The following TMEM41B variants were observed in gnomAD, a reference collection of about 807,000 sequenced individuals.
TMEM41B encodes the protein transmembrane protein 41B.
TMEM41B carries 18 observed loss-of-function variants against 31.9 expected under a neutral mutation model. The observed-to-expected ratio is 0.56, with a 90% confidence interval of 0.39 to 0.84. The LOEUF is 0.84. Among genes scored for constraint, TMEM41B ranks in the 40% least tolerant of loss-of-function variants. TMEM41B has a pLI of 0.00. For missense variants in TMEM41B, 322 were observed against 348.0 expected (o/e 0.93, Z 0.59); for synonymous variants, 144 against 124.3 (o/e 1.16, Z -1.05).
At chr11:9,291,163 G>A (rs757160414) in intron 3 of TMEM41B, among the ~76,000 whole-genome samples, 10 of 151,978 alleles carry the variant, frequency 6.6e-5, no homozygotes, top group Non-Finnish European at 1.5e-4. Flanking sequence ...GCTCATACCT[G>A]TAAATCCCAA....
intron 1 of TMEM41B, among the ~76,000 whole-genome samples, chr11:9,307,838 C>A (rs1026112131): frequency 5.3e-5 from 8 of 152,068 alleles, no homozygotes; most frequent in Non-Finnish European, 7.4e-5. Context: ...CTCCGCCTCC[C>A]AGGTTCACGC....
At chr11:9,286,385 T>A in intron 6 of TMEM41B, 70 bp downstream of exon 6, 1 of 1,482,010 alleles carries the variant, frequency 6.7e-7, no homozygotes, top group Admixed American at 2.3e-5. Flanking sequence ...ATGCATGTAA[T>A]CTAGCCCAGC....
chr11:9,286,115 G>C (rs184819267), intron 6 of TMEM41B, among the ~76,000 whole-genome samples: 2 of 152,224 alleles, frequency 1.3e-5, no homozygotes, highest in African/African-American at 4.8e-5. Flanking sequence ...ACTCAGGGAA[G>C]AGGAAGGGGA....
rs1220660745 is a variant in TMEM41B, at chr11:9,295,319, G to C, written c.308C>G (p.Ser103Cys). ...DDAKALGKVLSKYKDTFYVQV... is the reference protein window; with the variant it reads ...DDAKALGKVLCKYKDTFYVQV... ...AACATAAAAGGTGTCCTTGTATTTG[G>C]ATAAAACTTTTCCTAGAGCCTTGGC... The change falls in exon 3 of 7, where the codon TCC becomes TGC. Residue 103 changes from serine to cysteine, a missense_variant. Physicochemically the swap from Ser to Cys is moderately radical, Grantham distance 112. Coordinates refer to ENST00000528080, the MANE Select transcript of TMEM41B (RefSeq NM_015012.4). The C allele has an allele frequency of 6.3e-7, 1 of 1,598,954 alleles. No homozygotes were observed. The highest frequency in any genetic ancestry group is 1.1e-5 in the South Asian group (1 of 89,400).
At chr11:9,292,781 G>C (rs1054956710) in intron 3 of TMEM41B, among the ~76,000 whole-genome samples, 1 of 152,098 alleles carries the variant, frequency 6.6e-6, no homozygotes, top group African/African-American at 2.4e-5. Context: ...TTATAGGTGT[G>C]AGCCACCACA....
chr11:9,281,091 G>A lies in TMEM41B; in HGVS notation c.*2333C>T, dbSNP rs1337220468. On this transcript the variant is annotated 3_prime_UTR_variant, in exon 7 of 7. Coordinates refer to ENST00000528080, the MANE Select transcript of TMEM41B (RefSeq NM_015012.4). ...AGCAAAGGGAAAGAATCAATGGTAA[G>A]GACAGTAAATATACTCTGAGAATAG... The A allele has an allele frequency of 6.6e-6, 1 of 152,098 alleles. No homozygotes were observed. The highest frequency in any genetic ancestry group is 2.4e-5 in the African/African-American group (1 of 41,424). The allele number at this position is 152,098 out of a possible 1,614,324, so 9.4% of individuals were successfully genotyped here. A position where few individuals can be genotyped will look rare whatever the true frequency, so the allele number is the denominator to read the frequency against.
intron 1 of TMEM41B, among the ~76,000 whole-genome samples, chr11:9,312,020 T>C (rs891037450): frequency 6.6e-6 from 1 of 152,218 alleles, no homozygotes; most frequent in Admixed American, 6.5e-5. Context: ...CAAATTCATT[T>C]CCAAGTATCA....
intron 6 of TMEM41B, among the ~76,000 whole-genome samples, chr11:9,284,837 A>G (rs1195871023): frequency 6.6e-6 from 1 of 152,150 alleles, no homozygotes; most frequent in Non-Finnish European, 1.5e-5. Flanking sequence ...AGTGTGAGTA[A>G]AGAGAGCAGT....
chr11:9,312,891 G>C (rs1344617678), intron 1 of TMEM41B, among the ~76,000 whole-genome samples: 1 of 131,698 alleles, frequency 7.6e-6, no homozygotes, highest in Non-Finnish European at 1.6e-5. Context: ...GTGACAGACC[G>C]AGACTCCGTC....
At chr11:9,293,322 C>T (rs554004543) in intron 3 of TMEM41B, among the ~76,000 whole-genome samples, 11 of 152,170 alleles carry the variant, frequency 7.2e-5, no homozygotes, top group African/African-American at 1.9e-4. Flanking sequence ...AAGCCAGTCT[C>T]GAACCACTGG....
At chr11:9,305,650 T>C (rs1853372371) in intron 1 of TMEM41B, among the ~76,000 whole-genome samples, 1 of 152,166 alleles carries the variant, frequency 6.6e-6, no homozygotes, top group Non-Finnish European at 1.5e-5. Flanking sequence ...CATACACTTC[T>C]TAAAGGTATG....
At chr11:9,312,903 C>CA (rs36030741) in intron 1 of TMEM41B, among the ~76,000 whole-genome samples, 13,525 of 95,190 alleles carry the variant, frequency 0.14, 1,551 homozygotes, top group African/African-American at 0.32. Context: ...GACTCCGTCT[C>CA]AAAAAAAAAA....
chr11:9,293,533 T>C (rs907051517), intron 3 of TMEM41B, among the ~76,000 whole-genome samples: 1 of 152,252 alleles, frequency 6.6e-6, no homozygotes. Context: ...ATCTGTATAT[T>C]GTGAGTTAAT....
chr11:9,286,194 G>GAAGTTAT (rs1852833271), intron 6 of TMEM41B, among the ~76,000 whole-genome samples: 1 of 7,920 alleles, frequency 1.3e-4, no homozygotes, highest in East Asian at 0.033. Context: ...AGAGGGACTG[G>GAAGTTAT]AAGTCCTGCT....
At position 9,306,404 on chromosome 11, in the gene TMEM41B, CG is replaced by C. The variant is rs1853397111; in HGVS notation, c.122-6704del. 2.0e-5 allele frequency among the ~76,000 whole-genome samples: 3 copies of C among 151,998 alleles called. No homozygotes were observed. The South Asian group carries it at 6.2e-4, about 32-fold the overall frequency. ...ACTGTTATAGAAAGCCAGAATTCGC[CG>C]GGCATGGCGGCTCACGCCTGTAATC... On this transcript the variant is annotated intron_variant, in intron 1 of 6. Coordinates refer to ENST00000528080, the MANE Select transcript of TMEM41B (RefSeq NM_015012.4).
chr11:9,306,272 C>A lies in TMEM41B; in HGVS notation c.122-6571G>T, dbSNP rs371146505. Among the ~76,000 whole-genome samples the A allele has an allele frequency of 1.4e-4, 22 of 151,974 alleles. No individual in the cohort carries two copies. In the East Asian group the frequency reaches 3.5e-3, roughly 24 times the overall value. ...AGGATTACAGGCGGGAGCCACCACG[C>A]CCAGCCAGTACTCTGTATTTAGTAA... On this transcript the variant is annotated intron_variant, in intron 1 of 6. Transcript: ENST00000528080.
At chr11:9,298,521 T>C (rs1290975963) in intron 2 of TMEM41B, among the ~76,000 whole-genome samples, 1 of 151,466 alleles carries the variant, frequency 6.6e-6, no homozygotes, top group Non-Finnish European at 1.5e-5. Flanking sequence ...TCCTAGTACT[T>C]TGGGAGGACA....
chr11:9,297,249 T>C (rs1853119483), intron 2 of TMEM41B, among the ~76,000 whole-genome samples: 1 of 152,176 alleles, frequency 6.6e-6, no homozygotes, highest in Admixed American at 6.5e-5. Context: ...CACGCCCAGC[T>C]AATTTTTTTA....
At position 9,314,304 on chromosome 11, in the gene TMEM41B, TC is replaced by T; in HGVS notation, c.121+16del. 6.3e-7 allele frequency: 1 copy of T among 1,590,880 alleles called. No homozygotes were observed. Among genetic ancestry groups the T allele is most frequent in the South Asian group, 1.1e-5 (1 of 89,812 alleles). ...AGCCTCGGGCCACCCCCAGCTCTGC[TC>T]CCCGGGCCCACTCACCCTTCTGGTG... On this transcript the variant is annotated intron_variant, in intron 1 of 6. Transcript: ENST00000528080.
Sources: gnomAD v4.1 joint callset for allele counts (sites outside exome capture counted in the v4.1 genomes callset) on GRCh38, gnomAD v4.1.1 for gene constraint, MANE v1.5 for transcripts, NCBI Gene and HGNC (gene_info 2026-07-23, HGNC 2026-07-21) for gene names.